Variants in CHCHD3 observed in about 807,000 individuals in gnomAD.
CHCHD3 encodes MICOS complex subunit MIC19.
CHCHD3 carries 20 observed loss-of-function variants against 38.2 expected under a neutral mutation model. The observed-to-expected ratio is 0.52, with a 90% CI of 0.37 to 0.76. The LOEUF (loss-of-function observed/expected upper bound fraction) is 0.76, where lower values mean the gene tolerates loss of function less well. Among genes scored for constraint, CHCHD3 ranks in the 30% least tolerant of loss-of-function variants. The pLI is 0.00. For missense variants in CHCHD3, 245 were observed against 279.2 expected (o/e 0.88, Z 0.87); for synonymous variants, 82 against 100.0 (o/e 0.82, Z 1.07).
intron 2 of CHCHD3, among the ~76,000 whole-genome samples, chr7:133,069,363 G>A (rs1237996516): frequency 1.3e-5 from 2 of 152,036 alleles, no homozygotes; most frequent in Non-Finnish European, 2.9e-5. Context: ...GCAGGATCTC[G>A]TCTTTCTCAA....
intron 2 of CHCHD3, among the ~76,000 whole-genome samples, chr7:133,051,650 T>C (rs545333044): frequency 1.8e-4 from 27 of 152,216 alleles, no homozygotes; most frequent in Non-Finnish European, 3.8e-4. Flanking sequence ...CATATGTATA[T>C]GTATGAATGA....
At chr7:132,904,239 A>C (rs796921548) in intron 4 of CHCHD3, among the ~76,000 whole-genome samples, 8 of 151,956 alleles carry the variant, frequency 5.3e-5, no homozygotes, top group African/African-American at 1.9e-4. Context: ...CCAAGCCTGG[A>C]TGACACAGCA....
At chr7:132,979,371 A>G (rs1442517646) in intron 3 of CHCHD3, among the ~76,000 whole-genome samples, 1 of 152,182 alleles carries the variant, frequency 6.6e-6, no homozygotes, top group East Asian at 1.9e-4. Flanking sequence ...TCAGTATATA[A>G]TTACTAGGTG....
Position 133,070,151 on chromosome 7 carries a change from C to T in CHCHD3, c.160G>A (p.Gly54Ser). 2 of 1,610,046 alleles carry T rather than the reference C, an allele frequency of 1.2e-6. No individual in the cohort carries two copies. Among genetic ancestry groups the T allele is most frequent in the Middle Eastern group, 2.1e-4 (1 of 4,816 alleles). ...SKSQRYSGAY[G>S]ASVSDEELKR... ...TAAAATTCAGCAATACCTGAGGCAC[C>T]ATAAGCACCAGAATACCGCTGAGAC... The change falls in exon 2 of 8, where the codon GGT (glycine) becomes AGT (serine). Residue 54 changes from glycine (G) to serine (S), a missense_variant. By Grantham distance (56) the Gly-to-Ser change is moderately conservative. Transcript: ENST00000262570.
intron 3 of CHCHD3, among the ~76,000 whole-genome samples, chr7:132,981,071 T>G (rs1460993840): frequency 3.3e-5 from 5 of 152,084 alleles, no homozygotes; most frequent in Non-Finnish European, 7.4e-5. Context: ...CTGCAACCTC[T>G]GCCTCCCAGG....
intron 3 of CHCHD3, among the ~76,000 whole-genome samples, chr7:133,005,818 T>C (rs1812684226): frequency 6.6e-6 from 1 of 152,260 alleles, no homozygotes; most frequent in Non-Finnish European, 1.5e-5. Flanking sequence ...GGCACAATTA[T>C]ACATTTATAG....
chr7:132,880,313 T>C (rs1809019657), intron 5 of CHCHD3, among the ~76,000 whole-genome samples: 1 of 152,126 alleles, frequency 6.6e-6, no homozygotes, highest in Admixed American at 6.5e-5. Flanking sequence ...CCACACAGGG[T>C]TGTTGGTAAG....
rs144838454 is a variant in CHCHD3 at position 132,866,623 on chromosome 7, C to G, written c.453+19039G>C. ...AATTTTTAAAATACTTCAATACTCA[C>G]TGACCAGATTCATAAGGCTTATTTA... On this transcript the variant is annotated intron_variant, in intron 5 of 7. Coordinates refer to ENST00000262570, the MANE Select transcript of CHCHD3 (RefSeq NM_017812.4). Among the ~76,000 whole-genome samples, 631 of 152,292 alleles carry G rather than the reference C, an allele frequency of 4.1e-3. 5 individuals carry two copies. The highest frequency in any genetic ancestry group is 8.2e-3 in the Admixed American group (126 of 15,290).
chr7:132,808,168 A>G (rs1278252632), intron 6 of CHCHD3, among the ~76,000 whole-genome samples: 1 of 152,190 alleles, frequency 6.6e-6, no homozygotes, highest in African/African-American at 2.4e-5. Context: ...TTGTGAGAAA[A>G]GACACAGAGA....
At chr7:132,991,268 G>A (rs1298290606) in intron 3 of CHCHD3, among the ~76,000 whole-genome samples, 1 of 151,922 alleles carries the variant, frequency 6.6e-6, no homozygotes, top group Non-Finnish European at 1.5e-5. Flanking sequence ...TATAAGCTTT[G>A]ATTGTACATT....
intron 4 of CHCHD3, among the ~76,000 whole-genome samples, chr7:132,941,893 T>C (rs977634915): frequency 1.3e-5 from 2 of 152,200 alleles, no homozygotes; most frequent in Non-Finnish European, 2.9e-5. Context: ...GAATTTAACA[T>C]AATCATCACA....
At chr7:132,955,588 A>G (rs1481906220) in intron 4 of CHCHD3, among the ~76,000 whole-genome samples, 3 of 151,528 alleles carry the variant, frequency 2.0e-5, no homozygotes, top group African/African-American at 7.3e-5. Context: ...CAGACTTTGA[A>G]TAAAACATTA....
intron 4 of CHCHD3, among the ~76,000 whole-genome samples, chr7:132,912,813 C>T (rs915952775): frequency 6.6e-6 from 1 of 152,230 alleles, no homozygotes; most frequent in Non-Finnish European, 1.5e-5. Context: ...CCTTGGCCTT[C>T]CAAAGTGCTG....
rs546064982 is a variant in CHCHD3 at position 132,839,711 on chromosome 7, T to G, written c.454-1242A>C. On this transcript the variant is annotated intron_variant, in intron 5 of 7. Transcript: ENST00000262570. ...CCCCTTTGCATTTAACAATCTTGGT[T>G]GTCCAATGACAGTCACATCCAGGAT... is the stretch of plus-strand genomic sequence containing the variant. Among the ~76,000 whole-genome samples the G allele has an allele frequency of 3.3e-5, 5 of 152,338 alleles. No individual in the cohort carries two copies. The South Asian group carries it at 6.2e-4, about 19-fold the overall frequency.
At chr7:132,882,618 T>C (rs1477009013) in intron 5 of CHCHD3, among the ~76,000 whole-genome samples, 1 of 152,012 alleles carries the variant, frequency 6.6e-6, no homozygotes, top group Admixed American at 6.6e-5. Context: ...ATAAGTTCAA[T>C]CTGCCAGAAA....
chr7:132,833,641 T>TATGA (rs1807701538), intron 6 of CHCHD3, among the ~76,000 whole-genome samples: 1 of 152,218 alleles, frequency 6.6e-6, no homozygotes, highest in Non-Finnish European at 1.5e-5. Flanking sequence ...ACAGGGGCTC[T>TATGA]ATGAATGAAT....
chr7:132,953,379 C>T (rs1300181252), intron 4 of CHCHD3, among the ~76,000 whole-genome samples: 6 of 152,188 alleles, frequency 3.9e-5, no homozygotes, highest in African/African-American at 1.4e-4. Context: ...GCTCCACCAC[C>T]TTCCAGACTG....
chr7:132,870,997 T>C (rs1413548167), intron 5 of CHCHD3, among the ~76,000 whole-genome samples: 1 of 152,230 alleles, frequency 6.6e-6, no homozygotes, highest in Non-Finnish European at 1.5e-5. Context: ...GTATCAATAT[T>C]AGTTTTAATG....
At chr7:133,074,727 C>T (rs1814926229) in intron 1 of CHCHD3, among the ~76,000 whole-genome samples, 2 of 152,038 alleles carry the variant, frequency 1.3e-5, no homozygotes, top group African/African-American at 4.8e-5. Flanking sequence ...GCTATTTTAA[C>T]TGATATATAA....
Sources: allele counts gnomAD v4.1 joint callset (sites outside exome capture counted in the v4.1 genomes callset), GRCh38; gene constraint gnomAD v4.1.1; transcripts MANE v1.5; gene names NCBI Gene and HGNC (gene_info 2026-07-23, HGNC 2026-07-21).